The following CNTN4 variants were observed in gnomAD, a reference collection of about 807,000 sequenced individuals.
The protein encoded by CNTN4 is contactin-4.
In CNTN4, 77 loss-of-function variants were observed where a neutral mutation model predicts 122.5. That is an observed-to-expected ratio of 0.63 (90% CI 0.52 to 0.76). The LOEUF is 0.76. Among genes scored for constraint, CNTN4 ranks in the 30% least tolerant of loss-of-function variants. The pLI, the probability that CNTN4 is intolerant of heterozygous loss-of-function variation, is 0.00. For synonymous variants in CNTN4, 512 were observed against 447.0 expected (o/e 1.15, Z -1.83); for missense variants, 1,256 against 1,259.1 (o/e 1.00, Z 0.04).
chr3:2,116,857 C>T (rs533723422), intron 2 of CNTN4, among the ~76,000 whole-genome samples: 9 of 152,190 alleles, frequency 5.9e-5, no homozygotes, highest in Admixed American at 3.3e-4. Flanking sequence ...GTTAATCGAT[C>T]GATCTGGGGT....
chr3:2,915,524 C>T (rs1052058899), intron 12 of CNTN4, among the ~76,000 whole-genome samples: 4 of 152,122 alleles, frequency 2.6e-5, no homozygotes, highest in African/African-American at 9.7e-5. Context: ...ATTGCTCTGC[C>T]TAGGACTTAA....
At chr3:2,579,863 T>C (rs2079857128) in intron 4 of CNTN4, among the ~76,000 whole-genome samples, 1 of 152,176 alleles carries the variant, frequency 6.6e-6, no homozygotes, top group South Asian at 2.1e-4. Flanking sequence ...ATGGTGACAG[T>C]GATGTTGACG....
intron 4 of CNTN4, among the ~76,000 whole-genome samples, chr3:2,580,019 T>G (rs2079863686): frequency 6.9e-6 from 1 of 144,206 alleles, no homozygotes; most frequent in Non-Finnish European, 1.5e-5. Context: ...AACAAATACC[T>G]AAATTGGTTA....
intron 4 of CNTN4, among the ~76,000 whole-genome samples, chr3:2,630,055 T>C (rs1462676152): frequency 6.6e-6 from 1 of 152,168 alleles, no homozygotes; most frequent in Middle Eastern, 3.2e-3. Context: ...CACACAACCA[T>C]ATTCATTGGT....
intron 2 of CNTN4, among the ~76,000 whole-genome samples, chr3:2,173,458 T>G (rs565020321): frequency 6.6e-6 from 1 of 152,356 alleles, no homozygotes; most frequent in Non-Finnish European, 1.5e-5. Flanking sequence ...CTTCAGAGTT[T>G]CCACAGTATT....
chr3:2,673,823 C>T (rs567984557), intron 4 of CNTN4, among the ~76,000 whole-genome samples: 5 of 152,174 alleles, frequency 3.3e-5, no homozygotes, highest in African/African-American at 7.2e-5. Context: ...ATTACAGGTG[C>T]GAGTCGCTGC....
At chr3:2,848,377 A>G (rs1265385975) in intron 7 of CNTN4, among the ~76,000 whole-genome samples, 1 of 152,240 alleles carries the variant, frequency 6.6e-6, no homozygotes, top group Non-Finnish European at 1.5e-5. Context: ...ATGGAAGGAC[A>G]AGGGGGTTGG....
At chr3:2,383,058 A>G (rs1275811544) in intron 3 of CNTN4, among the ~76,000 whole-genome samples, 4 of 151,760 alleles carry the variant, frequency 2.6e-5, no homozygotes, top group African/African-American at 9.7e-5. Context: ...CTGGGTGACA[A>G]CAGCGAAAAT....
At chr3:2,885,078 ATATAG>A (rs1559618913) in intron 9 of CNTN4, among the ~76,000 whole-genome samples, 1 of 152,202 alleles carries the variant, frequency 6.6e-6, no homozygotes, top group Non-Finnish European at 1.5e-5. Context: ...TCTAAAACAA[ATATAG>A]TAGAGTTGAT....
chr3:2,635,082 A>AT (rs1000818899), intron 4 of CNTN4, among the ~76,000 whole-genome samples: 11 of 150,374 alleles, frequency 7.3e-5, no homozygotes, highest in Middle Eastern at 3.4e-3. Context: ...TTTTCATCGA[A>AT]TTTTTTTTTT....
Position 2,733,934 on chromosome 3 carries a change from T to C in CNTN4, c.56-2281T>C, listed in dbSNP as rs565447585. On this transcript the variant is annotated intron_variant, in intron 4 of 24. Coordinates refer to ENST00000418658, the MANE Select transcript of CNTN4 (RefSeq NM_175607.3). Reference sequence around the variant, plus strand: ...TTTTATTGATGTGGTATTTTATAAATGGAGTAAGGAGAGACAGTGGTAGTG... The same window carrying C: ...TTTTATTGATGTGGTATTTTATAAACGGAGTAAGGAGAGACAGTGGTAGTG... Among the ~76,000 whole-genome samples the C allele has an allele frequency of 9.8e-5, 15 of 152,304 alleles. No homozygotes were observed. In the East Asian group the frequency reaches 1.7e-3, roughly 18 times the overall value.
intron 4 of CNTN4, among the ~76,000 whole-genome samples, chr3:2,586,597 C>T (rs1452253199): frequency 6.6e-6 from 1 of 152,106 alleles, no homozygotes; most frequent in Non-Finnish European, 1.5e-5. Context: ...ACCCCTCCAC[C>T]AACACTCTTC....
chr3:2,328,232 C>A (rs964666081), intron 2 of CNTN4, among the ~76,000 whole-genome samples: 9 of 151,834 alleles, frequency 5.9e-5, no homozygotes, highest in Admixed American at 5.9e-4. Flanking sequence ...GGTGAAACCC[C>A]GTCTCTACTA....
chr3:2,605,710 A>G (rs1482272679), intron 4 of CNTN4, among the ~76,000 whole-genome samples: 1 of 152,170 alleles, frequency 6.6e-6, no homozygotes, highest in Non-Finnish European at 1.5e-5. Flanking sequence ...GAGAGATATG[A>G]GTTTACCACA....
intron 6 of CNTN4, among the ~76,000 whole-genome samples, chr3:2,794,353 T>A (rs956882755): frequency 6.6e-6 from 1 of 152,192 alleles, no homozygotes; most frequent in Non-Finnish European, 1.5e-5. Flanking sequence ...ACATCTTAGT[T>A]TTCTAAAAGA....
At chr3:2,265,007 C>T (rs1193265829) in intron 2 of CNTN4, among the ~76,000 whole-genome samples, 2 of 151,994 alleles carry the variant, frequency 1.3e-5, no homozygotes, top group South Asian at 2.1e-4. Flanking sequence ...TCATCCCTCA[C>T]GCCACTCGTA....
chr3:2,377,025 GC>G, intron 3 of CNTN4, among the ~76,000 whole-genome samples: 4 of 152,072 alleles, frequency 2.6e-5, no homozygotes, highest in Admixed American at 2.6e-4. Context: ...GCATAGTGGA[GC>G]ACACCTGTAG....
intron 4 of CNTN4, among the ~76,000 whole-genome samples, chr3:2,625,841 G>T (rs941121547): frequency 2.0e-5 from 3 of 152,024 alleles, no homozygotes; most frequent in Non-Finnish European, 4.4e-5. Context: ...GACTCATGAG[G>T]TATTTATATC....
intron 2 of CNTN4, among the ~76,000 whole-genome samples, chr3:2,261,233 A>G (rs755322245): frequency 2.6e-5 from 4 of 152,152 alleles, no homozygotes; most frequent in Non-Finnish European, 4.4e-5. Flanking sequence ...CAAAGTTGTT[A>G]CAGCATTTAT....
Sources: gnomAD v4.1 joint callset for allele counts (sites outside exome capture counted in the v4.1 genomes callset) on GRCh38, gnomAD v4.1.1 for gene constraint, MANE v1.5 for transcripts, NCBI Gene and HGNC (gene_info 2026-07-23, HGNC 2026-07-21) for gene names.